The following PRELID2 variants were observed in gnomAD, a reference collection of about 807,000 sequenced individuals.
The protein encoded by PRELID2 is PRELI domain-containing protein 2.
Under a neutral mutation model 28.4 loss-of-function variants are expected in PRELID2, and 25 were observed. That is an observed-to-expected ratio of 0.88 (90% CI 0.64 to 1.23). The LOEUF is 1.23. Among genes scored for constraint, PRELID2 ranks in the 50% most tolerant of loss-of-function variants. PRELID2 has a pLI of 0.00. For synonymous variants in PRELID2, 76 were observed against 71.6 expected (o/e 1.06, Z -0.31); for missense variants, 201 against 214.4 (o/e 0.94, Z 0.39).
chr5:145,459,614 T>C, the PRELID2 span, among the ~76,000 whole-genome samples: 1 of 152,090 alleles, frequency 6.6e-6, no homozygotes, highest in South Asian at 2.1e-4. Flanking sequence ...TATTTTTTCA[T>C]ATTATAAAAT....
At chr5:145,710,649 C>A (rs1027493484) in intron 1 of PRELID2, among the ~76,000 whole-genome samples, 3 of 152,184 alleles carry the variant, frequency 2.0e-5, no homozygotes, top group African/African-American at 7.2e-5. Flanking sequence ...GTCCATGATG[C>A]CAGGGCTCAG....
the PRELID2 span, among the ~76,000 whole-genome samples, chr5:145,418,508 C>T: frequency 6.6e-6 from 1 of 152,182 alleles, no homozygotes; most frequent in Non-Finnish European, 1.5e-5. Context: ...CTACAGTAAC[C>T]AAAACAGCAT....
the PRELID2 span, among the ~76,000 whole-genome samples, chr5:145,388,575 C>G: frequency 2.6e-5 from 4 of 152,156 alleles, no homozygotes; most frequent in Non-Finnish European, 5.9e-5. Context: ...GAAGTGTGCA[C>G]CATACACAAT....
intron 1 of PRELID2, among the ~76,000 whole-genome samples, chr5:145,827,272 G>C (rs1755256295): frequency 1.3e-5 from 2 of 152,294 alleles, no homozygotes; most frequent in East Asian, 3.9e-4. Flanking sequence ...CCTTTTATGA[G>C]CTCCACACCA....
the PRELID2 span, among the ~76,000 whole-genome samples, chr5:145,372,431 A>T: frequency 6.6e-6 from 1 of 151,816 alleles, no homozygotes; most frequent in Admixed American, 6.6e-5. Flanking sequence ...TTTCTGTCTA[A>T]TATTGACAGT....
chr5:145,396,561 T>A, the PRELID2 span, among the ~76,000 whole-genome samples: 1 of 151,874 alleles, frequency 6.6e-6, no homozygotes, highest in Non-Finnish European at 1.5e-5. Flanking sequence ...ATTTACTCTC[T>A]GGTTCTTTGC....
chr5:145,817,100 A>T (rs1561643311), intron 4 of PRELID2, among the ~76,000 whole-genome samples: 1 of 150,334 alleles, frequency 6.7e-6, no homozygotes, highest in Non-Finnish European at 1.5e-5. Flanking sequence ...CTGAGGTGGG[A>T]GGATCACTTG....
At chr5:145,831,399 G>C (rs1755573242) in intron 1 of PRELID2, among the ~76,000 whole-genome samples, 1 of 152,338 alleles carries the variant, frequency 6.6e-6, no homozygotes, top group African/African-American at 2.4e-5. Context: ...AGCTTATGGA[G>C]TGGACCCCTA....
the PRELID2 span, among the ~76,000 whole-genome samples, chr5:145,250,457 T>C: frequency 6.6e-6 from 1 of 152,122 alleles, no homozygotes; most frequent in Non-Finnish European, 1.5e-5. Context: ...GTATAAAACA[T>C]GGCTAAAAAG....
chr5:145,290,056 T>C, the PRELID2 span, among the ~76,000 whole-genome samples: 8 of 152,124 alleles, frequency 5.3e-5, no homozygotes, highest in African/African-American at 1.9e-4. Flanking sequence ...TGAGATACCA[T>C]CTCATACCAG....
At chr5:145,392,512 A>T in the PRELID2 span, among the ~76,000 whole-genome samples, 1 of 152,202 alleles carries the variant, frequency 6.6e-6, no homozygotes, top group Non-Finnish European at 1.5e-5. Flanking sequence ...AAACCATATC[A>T]CCTGGACACA....
intron 1 of PRELID2, among the ~76,000 whole-genome samples, chr5:145,743,135 G>A (rs557213266): frequency 7.2e-5 from 11 of 152,150 alleles, no homozygotes; most frequent in African/African-American, 1.7e-4. Flanking sequence ...CTGGCCGGGC[G>A]CGGTGGCTCA....
Position 145,664,128 on chromosome 5 carries a change from T to C in PRELID2, n.70+100803A>G, listed in dbSNP as rs958119854. Among the ~76,000 whole-genome samples, 5 of 152,298 alleles carry C rather than the reference T, an allele frequency of 3.3e-5. No individual in the cohort carries two copies. In the East Asian group the frequency reaches 9.6e-4, roughly 29 times the overall value. On this transcript the variant is annotated intron_variant and non_coding_transcript_variant, in intron 1 of 2. Coordinates refer to the PRELID2 transcript ENST00000510259. Reference sequence around the variant, plus strand: ...TATTGAAGAATGTAAATAAGTCATATAGAGGAAGTGCTGGTAAATTGTTGT... The same window carrying C: ...TATTGAAGAATGTAAATAAGTCATACAGAGGAAGTGCTGGTAAATTGTTGT...
chr5:145,452,407 C>G, the PRELID2 span, among the ~76,000 whole-genome samples: 1 of 152,186 alleles, frequency 6.6e-6, no homozygotes, highest in Non-Finnish European at 1.5e-5. Flanking sequence ...CACATGATAT[C>G]TCTAGCAAGA....
At chr5:145,601,243 G>A (rs1753391634) in intron 1 of PRELID2, among the ~76,000 whole-genome samples, 1 of 151,944 alleles carries the variant, frequency 6.6e-6, no homozygotes, top group Admixed American at 6.6e-5. Context: ...AAAATTTAGA[G>A]GATTTTCACA....
intron 1 of PRELID2, among the ~76,000 whole-genome samples, chr5:145,828,832 C>A (rs80266218): frequency 1.5e-5 from 1 of 68,280 alleles, no homozygotes; most frequent in Non-Finnish European, 2.6e-5. Context: ...TGAAAAAAAT[C>A]TTTTTTTTTT....
chr5:145,541,043 G>A (rs766889970), intron 1 of PRELID2, among the ~76,000 whole-genome samples: 3 of 151,978 alleles, frequency 2.0e-5, no homozygotes, highest in Admixed American at 6.6e-5. Context: ...GAACCAAGTT[G>A]TCAAAAGTGT....
chr5:145,297,417 A>C, the PRELID2 span, among the ~76,000 whole-genome samples: 1 of 151,810 alleles, frequency 6.6e-6, no homozygotes, highest in African/African-American at 2.4e-5. Flanking sequence ...AAATTCAACA[A>C]CACTTCATGC....
chr5:145,509,556 T>C (rs954040767), intron 1 of PRELID2, among the ~76,000 whole-genome samples: 2 of 152,170 alleles, frequency 1.3e-5, no homozygotes, highest in African/African-American at 4.8e-5. Context: ...GCCTTTCCTT[T>C]TGCCATCTCT....
Sources: allele counts gnomAD v4.1 joint callset (sites outside exome capture counted in the v4.1 genomes callset), GRCh38; gene constraint gnomAD v4.1.1; transcripts MANE v1.5; gene names NCBI Gene and HGNC (gene_info 2026-07-23, HGNC 2026-07-21).